Variants in CDH19 observed in about 807,000 individuals in gnomAD.
CDH19 encodes cadherin 19.
Under a neutral mutation model 64.2 loss-of-function variants are expected in CDH19, and 67 were observed. The observed-to-expected ratio is 1.04, with a 90% CI of 0.86 to 1.28. CDH19 has a LOEUF of 1.28. CDH19 is among the 50% of genes most tolerant of loss of function. The pLI is 0.00. For synonymous variants in CDH19, 346 were observed against 319.3 expected (o/e 1.08, Z -0.89); for missense variants, 1,030 against 929.0 (o/e 1.11, Z -1.41).
chr18:66,577,036 T>C (rs1432392320), intron 1 of CDH19, among the ~76,000 whole-genome samples: 1 of 151,682 alleles, frequency 6.6e-6, no homozygotes, highest in African/African-American at 2.4e-5. Flanking sequence ...TTGCACACTA[T>C]AAAATACTGC....
At chr18:66,574,537 C>A (rs1395598753) in intron 1 of CDH19, among the ~76,000 whole-genome samples, 1 of 151,232 alleles carries the variant, frequency 6.6e-6, no homozygotes, top group African/African-American at 2.4e-5. Context: ...AAATATAAAT[C>A]TTCTGAAAAA....
intron 1 of CDH19, among the ~76,000 whole-genome samples, chr18:66,583,355 T>G (rs1988481157): frequency 6.6e-6 from 1 of 152,106 alleles, no homozygotes; most frequent in African/African-American, 2.4e-5. Flanking sequence ...ACTTTTATTT[T>G]GTGTTTGGAG....
chr18:66,600,556 C>A (rs1283398163), intron 1 of CDH19, among the ~76,000 whole-genome samples: 4 of 151,820 alleles, frequency 2.6e-5, no homozygotes, highest in Non-Finnish European at 5.9e-5. Context: ...AAAATGACAA[C>A]ATCGCTTTGT....
chr18:66,536,046 A>G (rs1986657032), intron 7 of CDH19, among the ~76,000 whole-genome samples: 1 of 150,418 alleles, frequency 6.6e-6, no homozygotes, highest in Non-Finnish European at 1.5e-5. Context: ...AAAAAACTGA[A>G]AAATGATCTC....
In CDH19 at chr18:66,572,097, T is replaced by C; in HGVS notation, c.108A>G (p.Arg36=). 6.2e-7 allele frequency: 1 copy of C among 1,611,668 alleles called. No homozygotes were observed. Among genetic ancestry groups the C allele is most frequent in the Non-Finnish European group, 8.5e-7 (1 of 1,178,444 alleles). ...AGCCACGCTTCACTCTCAAATGAGA[T>C]CGCACTGGCTGCTTGACTTTCTTTG... ...SQTKKVKQPV[R]SHLRVKRGWV... Residue 36 remains arginine (R), a synonymous_variant, in exon 2 of 12, where the codon CGA becomes CGG. Coordinates refer to ENST00000262150, the MANE Select transcript of CDH19 (RefSeq NM_021153.4).
At chr18:66,575,517 G>C (rs977655005) in intron 1 of CDH19, among the ~76,000 whole-genome samples, 1 of 151,794 alleles carries the variant, frequency 6.6e-6, no homozygotes, top group African/African-American at 2.4e-5. Flanking sequence ...TGTGACAAGG[G>C]AATGTTTTCG....
chr18:66,541,551 T>G (rs1986886899), intron 7 of CDH19, among the ~76,000 whole-genome samples: 1 of 152,158 alleles, frequency 6.6e-6, no homozygotes, highest in Non-Finnish European at 1.5e-5. Context: ...CATAAGCAAC[T>G]GATTTTGTTT....
At chr18:66,599,414 G>T (rs557877866) in intron 1 of CDH19, among the ~76,000 whole-genome samples, 1 of 152,158 alleles carries the variant, frequency 6.6e-6, no homozygotes, top group African/African-American at 2.4e-5. Context: ...GGGTGGGGCA[G>T]ATGAGGAAAT....
chr18:66,563,533 C>A (rs1987798954), intron 3 of CDH19, among the ~76,000 whole-genome samples: 1 of 151,956 alleles, frequency 6.6e-6, no homozygotes, highest in African/African-American at 2.4e-5. Flanking sequence ...TATGTAATTT[C>A]TGCAACAATA....
chr18:66,583,495 C>A (rs1214842142), intron 1 of CDH19, among the ~76,000 whole-genome samples: 1 of 151,990 alleles, frequency 6.6e-6, no homozygotes, highest in Non-Finnish European at 1.5e-5. Flanking sequence ...CACCTCCCAC[C>A]CTCTGCCCTC....
intron 8 of CDH19, among the ~76,000 whole-genome samples, chr18:66,533,037 T>C (rs1986517160): frequency 6.6e-6 from 1 of 152,106 alleles, no homozygotes; most frequent in South Asian, 2.1e-4. Flanking sequence ...CAGATCACAT[T>C]GTGTTTTAAT....
In CDH19 at chr18:66,572,232, T is replaced by C; in HGVS notation, c.-28A>G. The C allele has an allele frequency of 6.3e-7, 1 of 1,576,642 alleles. No homozygotes were observed. Among genetic ancestry groups the C allele is most frequent in the Non-Finnish European group, 8.7e-7 (1 of 1,150,996 alleles). Reference sequence around the variant, plus strand: ...CGTTGACTCTTTTGATTCCAACTATTACTCTTCAGAGGAAACAGGACGTCA... The same window carrying C: ...CGTTGACTCTTTTGATTCCAACTATCACTCTTCAGAGGAAACAGGACGTCA... On this transcript the variant is annotated 5_prime_UTR_variant, in exon 2 of 12. Transcript: ENST00000262150.
At chr18:66,577,785 A>G (rs1162103522) in intron 1 of CDH19, among the ~76,000 whole-genome samples, 1 of 151,894 alleles carries the variant, frequency 6.6e-6, no homozygotes, top group East Asian at 1.9e-4. Context: ...AGATGTTTAA[A>G]ATGAATTTCA....
chr18:66,600,080 A>G (rs760959504), intron 1 of CDH19, among the ~76,000 whole-genome samples: 21 of 151,932 alleles, frequency 1.4e-4, no homozygotes, highest in Non-Finnish European at 2.9e-4. Context: ...TTTGTGCCAG[A>G]TAGAATAAAC....
At chr18:66,573,893 CCACACA>C (rs140587493) in intron 1 of CDH19, among the ~76,000 whole-genome samples, 32 of 145,222 alleles carry the variant, frequency 2.2e-4, no homozygotes, top group African/African-American at 3.5e-4. Context: ...ACCACTGAAG[CCACACA>C]CACACACACA....
intron 2 of CDH19, 76 bp from the exon 3 acceptor site, chr18:66,568,786 T>C (rs539539694): frequency 1.4e-4 from 174 of 1,200,032 alleles, no homozygotes; most frequent in Non-Finnish European, 1.8e-4. Context: ...TTTCTTTTTA[T>C]GTATGTTAAT....
At chr18:66,525,376 T>C (rs1986182068) in intron 9 of CDH19, among the ~76,000 whole-genome samples, 1 of 152,280 alleles carries the variant, frequency 6.6e-6, no homozygotes, top group African/African-American at 2.4e-5. Context: ...ATTGCTTCAT[T>C]GGTTTTAGTG....
chr18:66,535,232 G>A (rs887947304), intron 7 of CDH19, 125 bp from the exon 8 acceptor site: 25 of 451,156 alleles, frequency 5.5e-5, no homozygotes, highest in Admixed American at 1.7e-4. Context: ...ATATAATACC[G>A]AACAACTTTT....
At chr18:66,547,347 T>C (rs1206272498) in intron 5 of CDH19, among the ~76,000 whole-genome samples, 3 of 152,174 alleles carry the variant, frequency 2.0e-5, no homozygotes, top group South Asian at 2.1e-4. Context: ...TGTGTGCGTA[T>C]GTATATGTGT....
Sources: allele counts gnomAD v4.1 joint callset (sites outside exome capture counted in the v4.1 genomes callset), GRCh38; gene constraint gnomAD v4.1.1; transcripts MANE v1.5; gene names NCBI Gene and HGNC (gene_info 2026-07-23, HGNC 2026-07-21).